Variants in RASA2 observed in about 807,000 individuals in gnomAD.
RASA2 encodes the protein ras GTPase-activating protein 2.
A neutral mutation model predicts 118.2 loss-of-function variants in RASA2; 155 were observed. The observed-to-expected ratio is 1.31, with a 90% CI of 1.15 to 1.50. The LOEUF (loss-of-function observed/expected upper bound fraction) is 1.50, where lower values mean the gene tolerates loss of function less well. RASA2 is among the 40% of genes most tolerant of loss of function. The pLI is 0.00. For synonymous variants in RASA2, 353 were observed against 349.1 expected (o/e 1.01, Z -0.12); for missense variants, 1,016 against 1,009.6 (o/e 1.01, Z -0.09).
chr3:141,572,190 C>T (rs2082935177), intron 11 of RASA2, among the ~76,000 whole-genome samples: 1 of 151,794 alleles, frequency 6.6e-6, no homozygotes, highest in Admixed American at 6.6e-5. Flanking sequence ...CTCCTAGGTT[C>T]AAGCGATTCT....
chr3:141,602,937 G>A (rs1262698962), intron 19 of RASA2, among the ~76,000 whole-genome samples: 1 of 152,130 alleles, frequency 6.6e-6, no homozygotes. Flanking sequence ...GGCTTTCATA[G>A]CCCTCTTGCT....
rs1470062490 is a variant in RASA2, at chr3:141,583,268, A to G, written c.1752+2091A>G. ...GTGAAACCCTGTTTCTACTAAAAAT[A>G]CAAAAAATTAGCCAGGCCTGGTGGC... On this transcript the variant is annotated intron_variant, in intron 17 of 23. Transcript: ENST00000286364. Among the ~76,000 whole-genome samples, 4 of 152,206 alleles carry G rather than the reference A, an allele frequency of 2.6e-5. No individual in the cohort carries two copies. The East Asian group carries it at 7.7e-4, about 29-fold the overall frequency.
intron 17 of RASA2, 94 bp downstream of exon 17, chr3:141,581,271 T>G: frequency 4.1e-6 from 4 of 980,394 alleles, no homozygotes; most frequent in Non-Finnish European, 5.4e-6. Flanking sequence ...ATCCCCAGTT[T>G]AAATAATAAT....
At position 141,573,951 on chromosome 3, in the gene RASA2, T is replaced by G; in HGVS notation, c.1367T>G (p.Leu456Arg). Residue 456 changes from leucine to arginine, a missense_variant, in exon 14 of 24, where the codon CTG becomes CGG. Coordinates refer to ENST00000286364, the MANE Select transcript of RASA2 (RefSeq NM_006506.5). Reference protein sequence around the residue: ...GDNVENNKENLRYYVDKLFNT... With the variant: ...GDNVENNKENRRYYVDKLFNT... ...CCTTTTTAAATCCTGCAGGAGAATCTGCGCTACTATGTAGACAAGTTATTC... is the reference window on the plus strand; with the variant it reads ...CCTTTTTAAATCCTGCAGGAGAATCGGCGCTACTATGTAGACAAGTTATTC... The G allele has an allele frequency of 6.3e-7, 1 of 1,579,986 alleles. No individual in the cohort carries two copies. Among genetic ancestry groups the G allele is most frequent in the Non-Finnish European group, 8.6e-7 (1 of 1,160,942 alleles).
Position 141,586,096 on chromosome 3 carries a change from A to G in RASA2, c.1824A>G (p.Glu608=). The G allele has an allele frequency of 6.3e-7, 1 of 1,598,154 alleles. No individual in the cohort carries two copies. Among genetic ancestry groups the G allele is most frequent in the Non-Finnish European group, 8.6e-7 (1 of 1,166,142 alleles). The change falls in exon 18 of 24, where the codon GAA becomes GAG. Residue 608 remains glutamate, a splice_region_variant and synonymous_variant. Transcript: ENST00000286364. ...SGTSEPVHLK[E]GEMYKRAQGR... Reference sequence around the variant, plus strand: ...CGAGTGAGCCTGTGCACCTGAAAGAAGGGTAATTTAATCAAATTAGACGTG... The same window carrying G: ...CGAGTGAGCCTGTGCACCTGAAAGAGGGGTAATTTAATCAAATTAGACGTG...
At chr3:141,492,369 TC>T (rs1405069062) in intron 1 of RASA2, among the ~76,000 whole-genome samples, 1 of 152,226 alleles carries the variant, frequency 6.6e-6, no homozygotes, top group Non-Finnish European at 1.5e-5. Context: ...TGTTGTATAG[TC>T]ATATATTCAT....
intron 15 of RASA2, among the ~76,000 whole-genome samples, chr3:141,577,556 G>C (rs2083033700): frequency 6.6e-6 from 1 of 151,992 alleles, no homozygotes; most frequent in South Asian, 2.1e-4. Flanking sequence ...TAAGAAAGAA[G>C]GCTACAAGAG....
At position 141,553,387 on chromosome 3, in the gene RASA2, T is replaced by C. The variant is rs569760478; in HGVS notation, c.528-470T>C. On this transcript the variant is annotated intron_variant, in intron 5 of 23. Transcript: ENST00000286364. ...AATGTGTTGACTGTTACACATCCCT[T>C]ATCTACAGTGCTTGAGACTGTTTTG... 1.7e-4 allele frequency among the ~76,000 whole-genome samples: 26 copies of C among 152,292 alleles called. 1 individual carries two copies. In the South Asian group the frequency reaches 5.2e-3, roughly 30 times the overall value.
intron 5 of RASA2, among the ~76,000 whole-genome samples, chr3:141,553,152 ATTTATGAATCAGATT>A (rs577364430): frequency 1.1e-4 from 17 of 152,304 alleles, no homozygotes; most frequent in African/African-American, 3.4e-4. Context: ...CTTGCCCTAT[ATTTATGAATCAGATT>A]TTTAAGTGGA....
intron 19 of RASA2, among the ~76,000 whole-genome samples, chr3:141,598,137 A>G (rs1577812657): frequency 6.6e-6 from 1 of 152,196 alleles, no homozygotes; most frequent in African/African-American, 2.4e-5. Flanking sequence ...AATAACGTCA[A>G]CCTTACCCAC....
At chr3:141,560,277 A>G (rs746548797) in intron 9 of RASA2, among the ~76,000 whole-genome samples, 36 of 152,314 alleles carry the variant, frequency 2.4e-4, no homozygotes, top group Admixed American at 8.5e-4. Flanking sequence ...CATTTAAAAC[A>G]TTACATAAGA....
At chr3:141,572,464 A>C (rs1489345826) in intron 11 of RASA2, 145 bp from the exon 12 acceptor site, 5 of 566,688 alleles carry the variant, frequency 8.8e-6, no homozygotes, top group African/African-American at 7.8e-5. Flanking sequence ...GGTAAAAATT[A>C]CTAAAATTGT....
rs565712313 is a variant in RASA2 at position 141,583,570 on chromosome 3, C to T, written c.1752+2393C>T. Among the ~76,000 whole-genome samples the T allele has an allele frequency of 3.5e-4, 53 of 152,230 alleles. No homozygotes were observed. The South Asian group carries it at 7.9e-3, about 23-fold the overall frequency. On this transcript the variant is annotated intron_variant, in intron 17 of 23. Transcript: ENST00000286364. ...TGGGAGAGTCGATGCTGTGATAGGGCGCTTCTTCAGTTCCCTTGGATACTT... is the reference window on the plus strand; with the variant it reads ...TGGGAGAGTCGATGCTGTGATAGGGTGCTTCTTCAGTTCCCTTGGATACTT...
At position 141,608,562 on chromosome 3, in the gene RASA2, T is replaced by C; in HGVS notation, c.2090T>C (p.Ile697Thr). The change falls in exon 21 of 24, where the codon ATA becomes ACA. Residue 697 changes from isoleucine (I) to threonine (T), a missense_variant. Ile to Thr is a moderately conservative substitution (Grantham distance 89). Coordinates refer to ENST00000286364, the MANE Select transcript of RASA2 (RefSeq NM_006506.5). ...AACTGTGTAGAAGCTAATGAATGGA[T>C]AGACGTACTCTGCAGGGTGAGCCGA... ...ANNCVEANEW[I>T]DVLCRVSRCN... is the part of the protein sequence containing the mutation. 1 of 1,613,976 alleles carries C rather than the reference T, an allele frequency of 6.2e-7. No homozygotes were observed. The highest frequency in any genetic ancestry group is 8.5e-7 in the Non-Finnish European group (1 of 1,179,900).
chr3:141,589,843 A>G (rs1294322449), intron 19 of RASA2, among the ~76,000 whole-genome samples: 1 of 150,860 alleles, frequency 6.6e-6, no homozygotes, highest in Non-Finnish European at 1.5e-5. Flanking sequence ...TCTGTCTCCA[A>G]AAAAAAAAGA....
At chr3:141,564,282 A>T (rs1382147135) in intron 9 of RASA2, among the ~76,000 whole-genome samples, 1 of 151,972 alleles carries the variant, frequency 6.6e-6, no homozygotes. Flanking sequence ...TTGCGCTCTG[A>T]GCAAAATTTC....
intron 2 of RASA2, among the ~76,000 whole-genome samples, chr3:141,515,178 T>C (rs2082004897): frequency 6.6e-6 from 1 of 152,238 alleles, no homozygotes; most frequent in Admixed American, 6.5e-5. Flanking sequence ...AAATACCTTG[T>C]TTTAATTTTT....
At chr3:141,489,353 T>C (rs2081613199) in intron 1 of RASA2, among the ~76,000 whole-genome samples, 1 of 152,260 alleles carries the variant, frequency 6.6e-6, no homozygotes, top group Non-Finnish European at 1.5e-5. Flanking sequence ...TGCTGTTTTC[T>C]GTTTCCCTGA....
At chr3:141,594,949 C>T (rs1035451346) in intron 19 of RASA2, among the ~76,000 whole-genome samples, 6 of 151,750 alleles carry the variant, frequency 4.0e-5, no homozygotes, top group Admixed American at 6.6e-5. Context: ...GGGTTTATAA[C>T]ATATCTGGAT....
Sources: gnomAD v4.1 joint callset for allele counts (sites outside exome capture counted in the v4.1 genomes callset) on GRCh38, gnomAD v4.1.1 for gene constraint, MANE v1.5 for transcripts, NCBI Gene and HGNC (gene_info 2026-07-23, HGNC 2026-07-21) for gene names.